Variants in RAB27B observed in about 807,000 individuals in gnomAD.
RAB27B encodes the protein RAB27B, member RAS oncogene family.
A neutral mutation model predicts 24.6 loss-of-function variants in RAB27B; 15 were observed. The observed-to-expected ratio is 0.61, with a 90% CI of 0.41 to 0.94. The LOEUF is 0.94. Among genes scored for constraint, RAB27B ranks in the 40% least tolerant of loss-of-function variants. RAB27B has a pLI of 0.00. For missense variants in RAB27B, 261 were observed against 266.8 expected (o/e 0.98, Z 0.15); for synonymous variants, 105 against 92.5 (o/e 1.14, Z -0.78).
intron 2 of RAB27B, among the ~76,000 whole-genome samples, chr18:54,719,280 A>G (rs576668062): frequency 1.3e-5 from 2 of 152,152 alleles, no homozygotes; most frequent in African/African-American, 4.8e-5. Context: ...GTGTTTAGGT[A>G]TCAAAGTTTT....
intron 2 of RAB27B, among the ~76,000 whole-genome samples, chr18:54,807,353 C>T (rs1005039113): frequency 6.6e-6 from 1 of 152,202 alleles, no homozygotes; most frequent in Non-Finnish European, 1.5e-5. Flanking sequence ...TTTATGGGCA[C>T]TGACTTTGAG....
rs375355360 is a variant in RAB27B, at chr18:54,813,857, A to T, written c.-19-63710A>T. On this transcript the variant is annotated intron_variant, in intron 2 of 4. Transcript: ENST00000586570. Reference sequence around the variant, plus strand: ...TCATTTTTTTTAATGGAGAAAGAAGATAAAGTAACTTATTTTTCCACACAA... The same window carrying T: ...TCATTTTTTTTAATGGAGAAAGAAGTTAAAGTAACTTATTTTTCCACACAA... Among the ~76,000 whole-genome samples, 32 of 152,178 alleles carry T rather than the reference A, an allele frequency of 2.1e-4. 1 individual carries two copies. Among genetic ancestry groups the T allele is most frequent in the African/African-American group, 7.7e-4 (32 of 41,438 alleles).
chr18:54,771,095 G>A (rs1028172695), intron 2 of RAB27B, among the ~76,000 whole-genome samples: 1 of 152,128 alleles, frequency 6.6e-6, no homozygotes, highest in South Asian at 2.1e-4. Flanking sequence ...GATGGGGTGA[G>A]CAAGAGAGAC....
chr18:54,795,293 C>A (rs1471762192), intron 2 of RAB27B, among the ~76,000 whole-genome samples: 1 of 152,106 alleles, frequency 6.6e-6, no homozygotes, highest in African/African-American at 2.4e-5. Context: ...TAAATTTACC[C>A]CATAGCAACA....
intron 1 of RAB27B, among the ~76,000 whole-genome samples, chr18:54,847,851 GAAAGA>G (rs1911400350): frequency 1.2e-5 from 1 of 80,568 alleles, no homozygotes; most frequent in African/African-American, 2.9e-5. Flanking sequence ...AAAAAAGAAA[GAAAGA>G]AAAAAAAAAC....
intron 2 of RAB27B, among the ~76,000 whole-genome samples, chr18:54,785,964 C>G (rs961675331): frequency 7.9e-5 from 12 of 152,194 alleles, no homozygotes; most frequent in African/African-American, 2.9e-4. Flanking sequence ...GAAATGGGTG[C>G]AAAACTATGT....
intron 2 of RAB27B, among the ~76,000 whole-genome samples, chr18:54,750,431 C>T (rs1226257337): frequency 1.3e-5 from 2 of 152,120 alleles, no homozygotes; most frequent in Non-Finnish European, 2.9e-5. Flanking sequence ...CTTCTTCCTT[C>T]TTTTCCTCCT....
chr18:54,887,163 C>G (rs1913178664), intron 4 of RAB27B, among the ~76,000 whole-genome samples: 1 of 150,590 alleles, frequency 6.6e-6, no homozygotes, highest in Non-Finnish European at 1.5e-5. Flanking sequence ...ATTGTTTCTA[C>G]ATGAATTTGT....
At chr18:54,857,540 C>T (rs1911833774) in intron 1 of RAB27B, among the ~76,000 whole-genome samples, 1 of 152,152 alleles carries the variant, frequency 6.6e-6, no homozygotes, top group Admixed American at 6.5e-5. Flanking sequence ...CTGGCTTACT[C>T]CATAAACATT....
upstream of RAB27B, among the ~76,000 whole-genome samples, chr18:54,827,256 A>T (rs941787124): frequency 1.4e-4 from 21 of 152,208 alleles, no homozygotes; most frequent in African/African-American, 4.8e-4. Flanking sequence ...TTGTTACCAA[A>T]ATTATAAGTA....
chr18:54,825,839 C>G (rs1341125376), upstream of RAB27B, among the ~76,000 whole-genome samples: 2 of 152,168 alleles, frequency 1.3e-5, no homozygotes, highest in Admixed American at 1.3e-4. Context: ...AACCAAACCC[C>G]TGTGTTTACC....
chr18:54,787,501 A>G (rs1019106433), intron 2 of RAB27B, among the ~76,000 whole-genome samples: 23 of 152,190 alleles, frequency 1.5e-4, no homozygotes, highest in Admixed American at 1.3e-4. Flanking sequence ...GGAAAGGATC[A>G]TATTGTTTCC....
intron 2 of RAB27B, among the ~76,000 whole-genome samples, chr18:54,782,713 T>C (rs1230537297): frequency 1.3e-5 from 2 of 152,218 alleles, no homozygotes; most frequent in Admixed American, 1.3e-4. Context: ...CCTCAGTATT[T>C]TCTGAATTGG....
rs530409723 is a variant in RAB27B, at chr18:54,768,947, G to A, written c.-20+50806G>A. On this transcript the variant is annotated intron_variant, in intron 2 of 4. Transcript: ENST00000586570. Reference sequence around the variant, plus strand: ...ACAATTCGAGGTGAGGGTTGGGTGGGGACACAGAGCCAAACCATATCATTC... The same window carrying A: ...ACAATTCGAGGTGAGGGTTGGGTGGAGACACAGAGCCAAACCATATCATTC... Among the ~76,000 whole-genome samples, 12 of 152,064 alleles carry A rather than the reference G, an allele frequency of 7.9e-5. No homozygotes were observed. In the South Asian group the frequency reaches 2.5e-3, roughly 32 times the overall value.
chr18:54,831,602 G>C (rs1483332056), intron 1 of RAB27B, among the ~76,000 whole-genome samples: 1 of 152,112 alleles, frequency 6.6e-6, no homozygotes, highest in East Asian at 1.9e-4. Context: ...CTGCTGTCAT[G>C]GACATTATAT....
At chr18:54,819,654 G>A (rs547568429) in intron 2 of RAB27B, among the ~76,000 whole-genome samples, 73 of 151,292 alleles carry the variant, frequency 4.8e-4, no homozygotes, top group Non-Finnish European at 8.4e-4. Flanking sequence ...CAGTTTTAGA[G>A]TACATGTGCA....
rs151276552 is a variant in RAB27B, at chr18:54,850,925, G to T, written c.-20+22225G>T. Among the ~76,000 whole-genome samples, 161 of 151,964 alleles carry T rather than the reference G, an allele frequency of 1.1e-3. 3 individuals are homozygous for T. The East Asian group carries it at 0.028, about 26-fold the overall frequency. On this transcript the variant is annotated intron_variant, in intron 1 of 5. Coordinates refer to ENST00000262094, the MANE Select transcript of RAB27B (RefSeq NM_004163.4). ...GATTTTGACAGACCTTCAAACCTCA[G>T]GCCTCCTACTCATTAGCTGTGTGGT...
chr18:54,887,690 A>T (rs948516397), intron 4 of RAB27B, among the ~76,000 whole-genome samples: 1 of 152,212 alleles, frequency 6.6e-6, no homozygotes, highest in African/African-American at 2.4e-5. Context: ...TTCCAAAGGA[A>T]TACATATGAT....
chr18:54,728,890 A>ACCC (rs1249954901), intron 2 of RAB27B, among the ~76,000 whole-genome samples: 3 of 101,928 alleles, frequency 2.9e-5, no homozygotes, highest in Non-Finnish European at 6.2e-5. Flanking sequence ...AAAAAAAAAA[A>ACCC]AAAAAAAAAA....
Sources: allele counts gnomAD v4.1 joint callset (sites outside exome capture counted in the v4.1 genomes callset), GRCh38; gene constraint gnomAD v4.1.1; transcripts MANE v1.5; gene names NCBI Gene and HGNC (gene_info 2026-07-23, HGNC 2026-07-21).